SPTA1: variants seen among roughly 807,000 people sequenced by gnomAD.
SPTA1 encodes spectrin alpha, erythrocytic 1.
In SPTA1, 177 loss-of-function variants were observed where a neutral mutation model predicts 324.7. The ratio of observed to expected loss-of-function variants is 0.55; its 90% CI spans 0.48 to 0.62. The LOEUF (loss-of-function observed/expected upper bound fraction) is 0.62, where lower values mean the gene tolerates loss of function less well. Ranked by LOEUF, SPTA1 falls within the 20% of genes least tolerant of loss-of-function variation. The probability of loss-of-function intolerance (pLI) is 0.00; values close to 1 mark genes in which losing one functional copy is unlikely to be tolerated. For synonymous variants in SPTA1, 1,195 were observed against 1,041.3 expected (o/e 1.15, Z -2.84); for missense variants, 3,162 against 2,883.6 (o/e 1.10, Z -2.21).
intron 38 of SPTA1, 82 bp from the exon 39 acceptor site, chr1:158,634,757 T>G: frequency 6.5e-7 from 1 of 1,537,712 alleles, no homozygotes. Flanking sequence ...ACAATCTCAT[T>G]CAGGCAGACC....
intron 16 of SPTA1, among the ~76,000 whole-genome samples, chr1:158,663,210 A>C (rs566788803): frequency 1.3e-5 from 2 of 152,346 alleles, no homozygotes; most frequent in African/African-American, 4.8e-5. Flanking sequence ...AGGAAATCAG[A>C]AAAATTAGAA....
At chr1:158,661,239 G>T (rs779013343) in intron 18 of SPTA1, 48 bp downstream of exon 18, 1 of 1,613,398 alleles carries the variant, frequency 6.2e-7, no homozygotes, top group Non-Finnish European at 8.5e-7. Context: ...TCTTCCCAGA[G>T]GTCTGGCCTG....
rs34072412 is a variant in SPTA1 at position 158,638,745 on chromosome 1, CA to C, written c.4981-505del. The stretch of plus-strand genomic sequence containing the variant: ...GCAGGAGAATTGCTTGAGCTGGTAC[CA>C]AAAAAAAAAAAAAAAAAAAAGGAAA... On this transcript the variant is annotated intron_variant, in intron 35 of 51. Transcript: ENST00000643759. Among the ~76,000 whole-genome samples, 354 of 92,184 alleles carry C rather than the reference CA, an allele frequency of 3.8e-3. 4 individuals carry two copies. The highest frequency in any genetic ancestry group is 8.5e-3 in the Admixed American group (66 of 7,784). The allele number at this position is 92,184 out of a possible 152,430, so 60.5% of individuals were successfully genotyped here.
intron 22 of SPTA1, 81 bp from the exon 23 acceptor site, chr1:158,652,734 A>T (rs1652545557): frequency 2.0e-6 from 3 of 1,487,464 alleles, no homozygotes; most frequent in Middle Eastern, 1.7e-4. Flanking sequence ...ACATAGAGAA[A>T]GAAGGAACAA....
chr1:158,661,118 A>C (rs113545209), intron 18 of SPTA1, among the ~76,000 whole-genome samples, 169 bp downstream of exon 18: 8 of 152,352 alleles, frequency 5.3e-5, no homozygotes, highest in African/African-American at 1.7e-4. Flanking sequence ...TGTTATTGAA[A>C]TATACAAACA....
intron 39 of SPTA1, among the ~76,000 whole-genome samples, chr1:158,634,137 A>G (rs975568571): frequency 6.6e-6 from 1 of 152,232 alleles, no homozygotes; most frequent in African/African-American, 2.4e-5. Context: ...TCCTAAAATT[A>G]TATTTTGTTG....
At chr1:158,636,796 C>T in intron 36 of SPTA1, 35 bp from the exon 37 acceptor site, 1 of 1,612,986 alleles carries the variant, frequency 6.2e-7, no homozygotes, top group Non-Finnish European at 8.5e-7. Context: ...AGTTTGGAGT[C>T]TAGACATCTA....
At position 158,642,370 on chromosome 1, in the gene SPTA1, T is replaced by G. The variant is rs377111269; in HGVS notation, c.4737+41A>C. The G allele has an allele frequency of 4.8e-5, 77 of 1,605,030 alleles. No individual in the cohort carries two copies. The African/African-American group carries it at 9.8e-4, about 20-fold the overall frequency. Reference sequence around the variant, plus strand: ...AAAAAGAAAGAGTAAATGATTCCTCTTCATGTGACTTTGTAGCCCAAAACT... The same window carrying G: ...AAAAAGAAAGAGTAAATGATTCCTCGTCATGTGACTTTGTAGCCCAAAACT... On this transcript the variant is annotated intron_variant, in intron 33 of 51. Transcript: ENST00000643759.
intron 8 of SPTA1, 39 bp from the exon 9 acceptor site, chr1:158,674,714 C>G: frequency 6.2e-7 from 1 of 1,610,636 alleles, no homozygotes; most frequent in Non-Finnish European, 8.5e-7. Flanking sequence ...AAGGAGAAAC[C>G]AGATATGAAA....
chr1:158,657,480 AGCT>A lies in SPTA1; in HGVS notation c.2799_2801del (p.Ala934del). ...GTTAAACCCACCCCCACCTTACCCC[AGCT>A]GCTTCTTCATCAGCACCATAGTTAG... On this transcript the variant is annotated inframe_deletion, in exon 19 of 52. Transcript: ENST00000643759. The A allele has an allele frequency of 6.9e-7, 1 of 1,443,494 alleles. No individual in the cohort carries two copies. The highest frequency in any genetic ancestry group is 9.7e-7 in the Non-Finnish European group (1 of 1,028,880). 89.4% of individuals were successfully genotyped at this position (1,443,494 alleles called of 1,614,324 possible).
chr1:158,633,990 A>T (rs1238306307), intron 39 of SPTA1, among the ~76,000 whole-genome samples: 1 of 152,072 alleles, frequency 6.6e-6, no homozygotes, highest in Non-Finnish European at 1.5e-5. Flanking sequence ...TTTTGTAATC[A>T]CTCTCAAAAG....
chr1:158,621,215 C>A (rs931559466), intron 43 of SPTA1, among the ~76,000 whole-genome samples: 1 of 136,484 alleles, frequency 7.3e-6, no homozygotes, highest in Admixed American at 7.0e-5. Context: ...AGCAAGTGAT[C>A]AAATATACTT....
chr1:158,676,001 T>G, intron 8 of SPTA1, 140 bp downstream of exon 8: 1 of 1,124,304 alleles, frequency 8.9e-7, no homozygotes, highest in Non-Finnish European at 1.3e-6. Context: ...CTTTGGCAAC[T>G]TAAATATTTT....
At chr1:158,647,465 C>G in intron 27 of SPTA1, 74 bp downstream of exon 27, 1 of 1,581,764 alleles carries the variant, frequency 6.3e-7, no homozygotes, top group South Asian at 1.1e-5. Flanking sequence ...CAGCAGTGAA[C>G]AGCATCTGTA....
rs754332227 is a variant in SPTA1 at position 158,649,941 on chromosome 1, T to C, written c.3484A>G (p.Asn1162Asp). 1.9e-6 allele frequency: 3 copies of C among 1,612,278 alleles called. No individual in the cohort carries two copies. Among genetic ancestry groups the C allele is most frequent in the South Asian group, 2.2e-5 (2 of 90,748 alleles). Residue 1162 changes from asparagine to aspartate, a missense_variant, in exon 25 of 52, where the codon AAT (asparagine) becomes GAT (aspartate). Coordinates refer to ENST00000643759, the MANE Select transcript of SPTA1 (RefSeq NM_003126.4). ...PEGAQIRQELNSRWGSLQRLA... is the reference protein window; with the variant it reads ...PEGAQIRQELDSRWGSLQRLA... Reference sequence around the variant, plus strand: ...CTCTGCAAAGAACCCCAGCGGGAATTCAATTCCTAAAAGAGGCAAAAACAT... The same window carrying C: ...CTCTGCAAAGAACCCCAGCGGGAATCCAATTCCTAAAAGAGGCAAAAACAT...
chr1:158,613,230 G>C (rs144915061), intron 50 of SPTA1, among the ~76,000 whole-genome samples: 1 of 151,748 alleles, frequency 6.6e-6, no homozygotes, highest in Non-Finnish European at 1.5e-5. Flanking sequence ...CCTGATTCTC[G>C]GTGAATTTTG....
Position 158,653,299 on chromosome 1 carries a change from G to C in SPTA1, c.3163C>G (p.Gln1055Glu). 1 of 1,614,112 alleles carries C rather than the reference G, an allele frequency of 6.2e-7. No homozygotes were observed. The highest frequency in any genetic ancestry group is 1.1e-5 in the South Asian group (1 of 91,068). The change falls in exon 22 of 52, where the codon CAG becomes GAG. Residue 1055 changes from glutamine to glutamate, a missense_variant. Gln to Glu is a conservative substitution (Grantham distance 29). Transcript: ENST00000643759. ...RRREEPGNIT[Q>E]RQEQIENQYR... ...TGGTTCTCAATCTGCTCCTGGCGCT[G>C]GGTGATGTTTCCTGGCTCTTCTCGT...
rs1295843678 is a variant in SPTA1, at chr1:158,627,663, G to T, written c.5626C>A (p.Gln1876Lys). 6.2e-7 allele frequency: 1 copy of T among 1,613,344 alleles called. No homozygotes were observed. The highest frequency in any genetic ancestry group is 8.5e-7 in the Non-Finnish European group (1 of 1,179,792). Residue 1876 changes from glutamine to lysine, a missense_variant, in exon 40 of 52, where the codon CAA (glutamine) becomes AAA (lysine). Physicochemically the swap from Gln to Lys is moderately conservative, Grantham distance 53. Transcript: ENST00000643759. The stretch of plus-strand genomic sequence containing the variant: ...TCTTCTCCTTGTGCACACACATTTT[G>T]TACTCGGGTCTCATGGACAGCAAAG... ...NDFAVHETRV[Q>K]NVCAQGEDIL...
intron 33 of SPTA1, among the ~76,000 whole-genome samples, chr1:158,641,740 A>C (rs1651595881): frequency 1.3e-5 from 2 of 152,182 alleles, no homozygotes; most frequent in South Asian, 4.1e-4. Flanking sequence ...ACCATTGGGG[A>C]AGACAGTGTG....
Sources: allele counts gnomAD v4.1 joint callset (sites outside exome capture counted in the v4.1 genomes callset), GRCh38; gene constraint gnomAD v4.1.1; transcripts MANE v1.5; gene names NCBI Gene and HGNC (gene_info 2026-07-23, HGNC 2026-07-21).